DENND10: variants seen among roughly 807,000 people sequenced by gnomAD.
DENND10 encodes DENN domain containing 10.
DENND10 carries 24 observed loss-of-function variants against 43.6 expected under a neutral mutation model. That is an observed-to-expected ratio of 0.55 (90% CI 0.40 to 0.77). The LOEUF (loss-of-function observed/expected upper bound fraction) is 0.77. Ranked by LOEUF, DENND10 falls within the 30% of genes least tolerant of loss-of-function variation. DENND10 has a pLI of 0.00. For missense variants in DENND10, 303 were observed against 429.9 expected, an observed-to-expected ratio of 0.70 and a Z score of 2.61; for synonymous variants, 125 against 157.6, an observed-to-expected ratio of 0.79 and a Z score of 1.55.
intron 5 of DENND10, among the ~76,000 whole-genome samples, chr10:119,121,091 G>C (rs191130335): frequency 4.7e-4 from 72 of 151,820 alleles, no homozygotes; most frequent in African/African-American, 1.4e-3. Context: ...CTGGAATTAC[G>C]GGTGTGAGCC....
chr10:119,130,650 G>T (rs1374318908), intron 7 of DENND10, among the ~76,000 whole-genome samples: 5 of 152,186 alleles, frequency 3.3e-5, no homozygotes, highest in Non-Finnish European at 1.5e-5. Flanking sequence ...CTTATGTAGA[G>T]GTAGTTTGGC....
chr10:119,127,285 G>A (rs776753972), intron 6 of DENND10, among the ~76,000 whole-genome samples: 1 of 151,964 alleles, frequency 6.6e-6, no homozygotes, highest in African/African-American at 2.4e-5. Context: ...GTGAGTTTGG[G>A]ATCTGACTGA....
intron 3 of DENND10, among the ~76,000 whole-genome samples, chr10:119,112,910 G>A (rs1441081750): frequency 6.6e-6 from 1 of 151,474 alleles, no homozygotes; most frequent in Non-Finnish European, 1.5e-5. Flanking sequence ...AGTGCAGTGG[G>A]GCGATCTTGG....
At chr10:119,110,156 C>T (rs1844909413) in intron 2 of DENND10, among the ~76,000 whole-genome samples, 1 of 151,924 alleles carries the variant, frequency 6.6e-6, no homozygotes, top group Admixed American at 6.6e-5. Context: ...TGGTTTATTG[C>T]TCAATAAGTT....
intron 3 of DENND10, among the ~76,000 whole-genome samples, chr10:119,115,227 C>T (rs1052113303): frequency 6.6e-6 from 1 of 151,958 alleles, no homozygotes; most frequent in African/African-American, 2.4e-5. Context: ...ACACAACTCC[C>T]GTGACCTCCT....
intron 5 of DENND10, 115 bp from the exon 6 acceptor site, chr10:119,123,354 G>A: frequency 1.4e-6 from 1 of 712,962 alleles, no homozygotes; most frequent in South Asian, 1.7e-5. Context: ...CTCTGTCCCT[G>A]ATTAGCTGTA....
intron 3 of DENND10, chr10:119,114,350 A>T (rs1456195858): frequency 6.6e-6 from 1 of 152,242 alleles, no homozygotes; most frequent in African/African-American, 2.4e-5. Flanking sequence ...TGACAGTTTA[A>T]CATGGAGTTG....
chr10:119,135,815 A>AAAAAAAAAAC (rs1564804559), intron 8 of DENND10, among the ~76,000 whole-genome samples: 1 of 137,922 alleles, frequency 7.3e-6, no homozygotes, highest in Non-Finnish European at 1.6e-5. Flanking sequence ...AAAAAAAAAA[A>AAAAAAAAAAC]ACCAAAACCA....
chr10:119,118,118 A>T (rs989648717), intron 4 of DENND10, among the ~76,000 whole-genome samples: 1 of 152,230 alleles, frequency 6.6e-6, no homozygotes, highest in Non-Finnish European at 1.5e-5. Flanking sequence ...TAGTTATTAG[A>T]TAATTCTAAT....
chr10:119,104,129 C>T lies in DENND10; in HGVS notation c.-14C>T, dbSNP rs371237342. The T allele has an allele frequency of 5.7e-5, 85 of 1,503,276 alleles. 2 individuals are homozygous for T. In the South Asian group the frequency reaches 9.7e-4, roughly 17 times the overall value. 93.1% of individuals were successfully genotyped at this position (1,503,276 alleles called of 1,614,324 possible). A position where few individuals can be genotyped will look rare whatever the true frequency, so the allele number is the denominator to read the frequency against. ...GCAGGCGGCAGCCAGAGCTGCGCGC[C>T]GCGGCGGCGGAAGATGGCTGCGGCC... On this transcript the variant is annotated 5_prime_UTR_variant, in exon 1 of 9. Transcript: ENST00000361432.
At position 119,123,468 on chromosome 10, in the gene DENND10, G is replaced by C; in HGVS notation, c.594-1G>C. 2 of 1,613,114 alleles carry C rather than the reference G, an allele frequency of 1.2e-6. No individual in the cohort carries two copies. Among genetic ancestry groups the C allele is most frequent in the African/African-American group, 1.3e-5 (1 of 74,986 alleles). On this transcript the variant is annotated splice_acceptor_variant, in intron 5 of 8. Coordinates refer to ENST00000361432, the MANE Select transcript of DENND10 (RefSeq NM_207009.4). LOFTEE classifies it high-confidence loss of function. ...CTTGAGTTCTTGCCTTGATTCCCCA[G>C]GACTCTGCCTGCCCTGGTGTGGCAC...
chr10:119,105,622 C>T (rs1357283605), intron 1 of DENND10: 2 of 496,532 alleles, frequency 4.0e-6, no homozygotes, highest in Non-Finnish European at 5.5e-6. Context: ...CTACTAATAG[C>T]AAATAAAAAG....
intron 2 of DENND10, 43 bp downstream of exon 2, chr10:119,108,207 G>C (rs552903205): frequency 1.4e-6 from 2 of 1,426,488 alleles, no homozygotes; most frequent in African/African-American, 2.8e-5. Context: ...AAAATAGGCT[G>C]GGCGCGGTGG....
intron 1 of DENND10, 52 bp from the exon 2 acceptor site, chr10:119,107,916 C>G (rs1217570886): frequency 6.6e-7 from 1 of 1,526,068 alleles, no homozygotes; most frequent in South Asian, 1.1e-5. Context: ...CCAATCAATT[C>G]ACTTCCTTGC....
intron 7 of DENND10, among the ~76,000 whole-genome samples, chr10:119,131,006 T>C (rs1387495955): frequency 6.6e-6 from 1 of 152,228 alleles, no homozygotes; most frequent in Non-Finnish European, 1.5e-5. Context: ...TCAAAAAATA[T>C]GTAGGCGTTT....
chr10:119,111,733 G>C lies in DENND10; in HGVS notation c.253-116G>C, dbSNP rs149050648. ...GCAAGTGAGGACTTGTTAAATTTTG[G>C]TCTTTTTCTTTTAATACTGTTGTGT... On this transcript the variant is annotated intron_variant, in intron 2 of 8. Transcript: ENST00000361432. The C allele has an allele frequency of 3.9e-4, 287 of 739,122 alleles. No individual in the cohort carries two copies. In the African/African-American group the frequency reaches 4.6e-3, roughly 12 times the overall value. 45.8% of individuals were successfully genotyped at this position (739,122 alleles called of 1,614,324 possible).
At chr10:119,122,988 C>T (rs1845644898) in intron 5 of DENND10, among the ~76,000 whole-genome samples, 2 of 152,202 alleles carry the variant, frequency 1.3e-5, no homozygotes, top group Admixed American at 6.5e-5. Flanking sequence ...TGCAGAGAGG[C>T]TGGGTGCAGT....
chr10:119,135,594 G>A (rs1007948994), intron 8 of DENND10, among the ~76,000 whole-genome samples: 8 of 151,856 alleles, frequency 5.3e-5, no homozygotes, highest in African/African-American at 7.3e-5. Flanking sequence ...GAGCTATCTA[G>A]AGCAGACAAA....
chr10:119,122,050 T>C (rs991875017), intron 5 of DENND10, among the ~76,000 whole-genome samples: 1 of 151,976 alleles, frequency 6.6e-6, no homozygotes, highest in Non-Finnish European at 1.5e-5. Flanking sequence ...CTCACACCTG[T>C]AATCCCAGCA....
Sources: allele counts gnomAD v4.1 joint callset (sites outside exome capture counted in the v4.1 genomes callset), GRCh38; gene constraint gnomAD v4.1.1; transcripts MANE v1.5; gene names NCBI Gene and HGNC (gene_info 2026-07-23, HGNC 2026-07-21).